Variants in FUZ observed in about 807,000 individuals in gnomAD.
FUZ encodes the protein fuzzy planar cell polarity protein.
FUZ carries 31 observed loss-of-function variants against 43.1 expected under a neutral mutation model. That is an observed-to-expected ratio of 0.72 (90% CI 0.54 to 0.97). The LOEUF (loss-of-function observed/expected upper bound fraction) is 0.97. Among genes scored for constraint, FUZ ranks in the 50% least tolerant of loss-of-function variants. The probability of loss-of-function intolerance (pLI) is 0.00; values close to 1 mark genes in which losing one functional copy is unlikely to be tolerated. For synonymous variants in FUZ, 274 were observed against 250.0 expected, an observed-to-expected ratio of 1.10 and a Z score of -0.91; for missense variants, 539 against 543.8, an observed-to-expected ratio of 0.99 and a Z score of 0.09.
chr19:49,811,315 C>G (rs1185889938), intron 5 of FUZ, 48 bp downstream of exon 5: 3 of 1,339,230 alleles, frequency 2.2e-6, no homozygotes, highest in Non-Finnish European at 3.2e-6. Context: ...GAGGACTGAG[C>G]CAGGGCCAGC....
In FUZ at chr19:49,806,981, A is replaced by G. The variant is rs1482802290; in HGVS notation, c.*170T>C. ...TCCCCCTCCCTCCCTTTCCCCCCCAAGCACAGAGGGGAGAGGGGCCAGGGA... is the reference window on the plus strand; with the variant it reads ...TCCCCCTCCCTCCCTTTCCCCCCCAGGCACAGAGGGGAGAGGGGCCAGGGA... On this transcript the variant is annotated 3_prime_UTR_variant, in exon 11 of 11. Coordinates refer to ENST00000313777, the MANE Select transcript of FUZ (RefSeq NM_025129.5). 3 of 1,529,480 alleles carry G rather than the reference A, an allele frequency of 2.0e-6. No homozygotes were observed. Among genetic ancestry groups the G allele is most frequent in the South Asian group, 1.2e-5 (1 of 83,052 alleles). 94.7% of individuals were successfully genotyped at this position (1,529,480 alleles called of 1,614,324 possible).
rs767090213 is a variant in FUZ, at chr19:49,806,977, C to T, written c.*174G>A. 5.2e-6 allele frequency: 8 copies of T among 1,530,332 alleles called. No homozygotes were observed. The highest frequency in any genetic ancestry group is 2.5e-5 in the East Asian group (1 of 40,738). The allele number at this position is 1,530,332 out of a possible 1,614,324, so 94.8% of individuals were successfully genotyped here. A position where few individuals can be genotyped will look rare whatever the true frequency, so the allele number is the denominator to read the frequency against. On this transcript the variant is annotated 3_prime_UTR_variant, in exon 11 of 11. Transcript: ENST00000313777. ...GGAGTCCCCCTCCCTCCCTTTCCCC[C>T]CCAAGCACAGAGGGGAGAGGGGCCA...
At position 49,809,444 on chromosome 19, in the gene FUZ, C is replaced by T; in HGVS notation, c.624G>A (p.Leu208=). ...GTPEAVLLPW[L]VGSLPPQTAR... ...CGGTCTGCGGCGGCAGGGACCCCAC[C>T]AGCCAGGGGAGCAGCACGGCCTCGG... The change falls in exon 6 of 11, where the codon CTG becomes CTA. Residue 208 remains leucine, a synonymous_variant. Coordinates refer to ENST00000313777, the MANE Select transcript of FUZ (RefSeq NM_025129.5). The surrounding 1 kb of genome is among the most constrained non-coding windows in gnomAD (Gnocchi z 5.1). 6.5e-7 allele frequency: 1 copy of T among 1,548,414 alleles called. No individual in the cohort carries two copies. The highest frequency in any genetic ancestry group is 8.7e-7 in the Non-Finnish European group (1 of 1,150,026).
In FUZ at chr19:49,808,294, A is replaced by G. The variant is rs569587505; in HGVS notation, c.1033+120T>C. On this transcript the variant is annotated intron_variant, in intron 10 of 10. Transcript: ENST00000313777. The stretch of plus-strand genomic sequence containing the variant: ...AGATCTCAAGGAAAACCACTGCCCT[A>G]TGGCCCAGTGCATACTGGGTTCCTC... 266 of 992,380 alleles carry G rather than the reference A, an allele frequency of 2.7e-4. 1 individual carries two copies. The highest frequency in any genetic ancestry group is 2.4e-3 in the South Asian group (177 of 72,362). The allele number at this position is 992,380 out of a possible 1,614,324, so 61.5% of individuals were successfully genotyped here.
intron 5 of FUZ, 94 bp downstream of exon 5, chr19:49,811,269 G>C (rs1341055057): frequency 1.2e-6 from 1 of 810,294 alleles, no homozygotes; most frequent in Admixed American, 2.0e-5. Flanking sequence ...GAGAGGATAG[G>C]AGGAGGTTGG....
Position 49,808,710 on chromosome 19 carries a change from G to T in FUZ, c.893+7C>A, listed in dbSNP as rs1241359914. 2.5e-6 allele frequency: 4 copies of T among 1,596,314 alleles called. No homozygotes were observed. The South Asian group carries it at 4.5e-5, about 18-fold the overall frequency. On this transcript the variant is annotated splice_region_variant and intron_variant, in intron 8 of 10. Coordinates refer to ENST00000313777, the MANE Select transcript of FUZ (RefSeq NM_025129.5). Reference sequence around the variant, plus strand: ...CCCCCGACCCACTCCCTCCATCCGAGCCCTACCCGAGGATGTCTGTGTGAA... The same window carrying T: ...CCCCCGACCCACTCCCTCCATCCGATCCCTACCCGAGGATGTCTGTGTGAA...
intron 5 of FUZ, among the ~76,000 whole-genome samples, chr19:49,810,157 G>A (rs2073692005): frequency 6.6e-6 from 1 of 152,158 alleles, no homozygotes; most frequent in South Asian, 2.1e-4. Flanking sequence ...CCTTGTCCTG[G>A]GGGAGGTGGA....
At chr19:49,812,397 A>C in intron 2 of FUZ, 62 bp from the exon 3 acceptor site, 1 of 1,453,472 alleles carries the variant, frequency 6.9e-7, no homozygotes, top group Non-Finnish European at 9.7e-7. Context: ...GGTATGTTGG[A>C]GTCCGCCCAT....
intron 10 of FUZ, 52 bp from the exon 11 acceptor site, chr19:49,807,426 C>T (rs765357847): frequency 1.3e-6 from 2 of 1,508,656 alleles, no homozygotes; most frequent in East Asian, 4.9e-5. Flanking sequence ...CTAACCTTTG[C>T]AAGCCACACC....
chr19:49,812,391 T>G (rs2073835812), intron 2 of FUZ, 56 bp from the exon 3 acceptor site: 1 of 1,483,512 alleles, frequency 6.7e-7, no homozygotes, highest in Non-Finnish European at 9.4e-7. Context: ...GGAAGGGGTA[T>G]GTTGGAGTCC....
Position 49,808,529 on chromosome 19 carries a change from GC to G in FUZ, c.959-42del, listed in dbSNP as rs770973238. ...GGCGGTGATGCAGAGCGCCTCCCCG[GC>G]CCACGCCCCTCCTACCCCTGCCCCT... On this transcript the variant is annotated intron_variant, in intron 9 of 10. Coordinates refer to ENST00000313777, the MANE Select transcript of FUZ (RefSeq NM_025129.5). 7.5e-6 allele frequency: 12 copies of G among 1,596,474 alleles called. No individual in the cohort carries two copies. In the South Asian group the frequency reaches 1.4e-4, roughly 18 times the overall value.
chr19:49,807,355 C>T lies in FUZ; in HGVS notation c.1053G>A (p.Lys351=), dbSNP rs754883228. 3.7e-6 allele frequency: 6 copies of T among 1,613,144 alleles called. No homozygotes were observed. In the East Asian group the frequency reaches 8.9e-5, roughly 24 times the overall value. Residue 351 remains lysine, a synonymous_variant, in exon 11 of 11, where the codon AAG becomes AAA. Coordinates refer to ENST00000313777, the MANE Select transcript of FUZ (RefSeq NM_025129.5). ...HFPPEPGPPE[K]TEDEVYQAQL... ...GGGCCTGGTAGACCTCATCTTCTGTCTTCTCTGGTGGCCCTGGCTCTGGAG... is the reference window on the plus strand; with the variant it reads ...GGGCCTGGTAGACCTCATCTTCTGTTTTCTCTGGTGGCCCTGGCTCTGGAG...
chr19:49,813,202 GC>G lies in FUZ; in HGVS notation c.-97del. 9.1e-7 allele frequency: 1 copy of G among 1,103,630 alleles called. No individual in the cohort carries two copies. The highest frequency in any genetic ancestry group is 1.4e-6 in the Non-Finnish European group (1 of 740,402). The allele number at this position is 1,103,630 out of a possible 1,614,324, so 68.4% of individuals were successfully genotyped here. A position where few individuals can be genotyped will look rare whatever the true frequency, so the allele number is the denominator to read the frequency against. ...GTAACTCGGCCTGTGGTCCGGAGCC[GC>G]CAGAGGGCGAGATGGGGAGCTGATT... is the stretch of plus-strand genomic sequence containing the variant. On this transcript the variant is annotated 5_prime_UTR_variant, in exon 1 of 11. Coordinates refer to ENST00000313777, the MANE Select transcript of FUZ (RefSeq NM_025129.5).
chr19:49,807,847 G>A (rs1265340825), intron 10 of FUZ, among the ~76,000 whole-genome samples: 3 of 152,198 alleles, frequency 2.0e-5, no homozygotes, highest in East Asian at 3.9e-4. Context: ...GGGTCACAGC[G>A]CCATCCCAGG....
At position 49,809,463 on chromosome 19, in the gene FUZ, G is replaced by A; in HGVS notation, c.605C>T (p.Ala202Val). ...CCCCACCAGCCAGGGGAGCAGCACGGCCTCGGGCGTCCCCAGCCGCCACCA... is the reference window on the plus strand; with the variant it reads ...CCCCACCAGCCAGGGGAGCAGCACGACCTCGGGCGTCCCCAGCCGCCACCA... ...EGWWRLGTPE[A>V]VLLPWLVGSL... Residue 202 changes from alanine (A) to valine (V), a missense_variant, in exon 6 of 11, where the codon GCC becomes GTC. By Grantham distance (64) the Ala-to-Val change is moderately conservative. Transcript: ENST00000313777. This position sits in a 1 kb window ranked among gnomAD's most constrained non-coding sequence, Gnocchi z 5.1. The A allele has an allele frequency of 6.4e-7, 1 of 1,560,388 alleles. No individual in the cohort carries two copies.
intron 10 of FUZ, 91 bp from the exon 11 acceptor site, chr19:49,807,465 G>C: frequency 7.5e-7 from 1 of 1,334,266 alleles, no homozygotes; most frequent in Non-Finnish European, 1.1e-6. Context: ...CTGAACGCGT[G>C]GGGTCTCTGA....
chr19:49,811,579 A>G, intron 4 of FUZ, 52 bp downstream of exon 4: 3 of 1,591,286 alleles, frequency 1.9e-6, no homozygotes, highest in Non-Finnish European at 2.6e-6. Flanking sequence ...TAGTTCCCAA[A>G]TGGCAGTGCC....
chr19:49,808,007 A>G (rs1321503805), intron 10 of FUZ: 1 of 350,792 alleles, frequency 2.9e-6, no homozygotes, highest in Non-Finnish European at 5.6e-6. Context: ...CTGTGTGGAT[A>G]TGGGAGCAAG....
chr19:49,810,457 G>A (rs764669308), intron 5 of FUZ, among the ~76,000 whole-genome samples: 1 of 151,078 alleles, frequency 6.6e-6, no homozygotes, highest in African/African-American at 2.4e-5. Context: ...GGTGGATCAC[G>A]AGGTCAGGCG....
Sources: allele counts gnomAD v4.1 joint callset (sites outside exome capture counted in the v4.1 genomes callset), GRCh38; gene constraint gnomAD v4.1.1; non-coding constraint Gnocchi (gnomAD v3.1); transcripts MANE v1.5; gene names NCBI Gene and HGNC (gene_info 2026-07-23, HGNC 2026-07-21).